RAP1GDS1: variants seen among roughly 807,000 people sequenced by gnomAD.
RAP1GDS1 encodes the protein RAP1, GTP-GDP dissociation stimulator 1.
RAP1GDS1 carries 35 observed loss-of-function variants against 71.1 expected under a neutral mutation model. That is an observed-to-expected ratio of 0.49 (90% CI 0.38 to 0.65). The LOEUF (loss-of-function observed/expected upper bound fraction) is 0.65, where lower values mean the gene tolerates loss of function less well. RAP1GDS1 is among the 30% of genes least tolerant of loss of function. RAP1GDS1 has a pLI of 0.00. For missense variants in RAP1GDS1, 663 were observed against 706.1 expected, an observed-to-expected ratio of 0.94 and a Z score of 0.69; for synonymous variants, 229 against 243.1, an observed-to-expected ratio of 0.94 and a Z score of 0.54.
intron 1 of RAP1GDS1, among the ~76,000 whole-genome samples, chr4:98,270,274 C>T (rs1395049996): frequency 6.6e-6 from 1 of 152,160 alleles, no homozygotes; most frequent in Admixed American, 6.5e-5. Flanking sequence ...GGGACAAAAA[C>T]ATTCAAACCA....
chr4:98,376,597 A>T (rs1741218406), intron 4 of RAP1GDS1, among the ~76,000 whole-genome samples: 1 of 152,024 alleles, frequency 6.6e-6, no homozygotes, highest in African/African-American at 2.4e-5. Context: ...AATATTTTTA[A>T]AAAAATGCTT....
At chr4:98,387,393 C>G (rs767337507) in intron 5 of RAP1GDS1, 1 of 455,358 alleles carries the variant, frequency 2.2e-6, no homozygotes, top group Non-Finnish European at 4.4e-6. Flanking sequence ...AAACTTAAAA[C>G]TCAGGGGGGA....
chr4:98,298,699 G>A (rs1208671873), intron 2 of RAP1GDS1, among the ~76,000 whole-genome samples: 1 of 152,108 alleles, frequency 6.6e-6, no homozygotes, highest in Non-Finnish European at 1.5e-5. Context: ...CGTACATGGA[G>A]ATAAATGTTA....
intron 2 of RAP1GDS1, among the ~76,000 whole-genome samples, chr4:98,337,035 C>T (rs550937227): frequency 6.6e-6 from 1 of 152,126 alleles, no homozygotes; most frequent in African/African-American, 2.4e-5. Context: ...GCTGGGATTA[C>T]AGGCATCCAC....
In RAP1GDS1 at chr4:98,296,705, G is replaced by A. The variant is rs1193295113; in HGVS notation, c.112+3190G>A. 5.3e-5 allele frequency among the ~76,000 whole-genome samples: 8 copies of A among 152,020 alleles called. No individual in the cohort carries two copies. In the East Asian group the frequency reaches 1.5e-3, roughly 29 times the overall value. On this transcript the variant is annotated intron_variant, in intron 2 of 14. Coordinates refer to ENST00000408927, the MANE Select transcript of RAP1GDS1 (RefSeq NM_001100427.2). ...CTCAGTAAATGCTTATTTGATTGTAGTATGGTTACTCTATTTTATGGTTAT... is the reference window on the plus strand; with the variant it reads ...CTCAGTAAATGCTTATTTGATTGTAATATGGTTACTCTATTTTATGGTTAT...
At chr4:98,265,664 C>T (rs1722625732) in intron 1 of RAP1GDS1, among the ~76,000 whole-genome samples, 1 of 152,076 alleles carries the variant, frequency 6.6e-6, no homozygotes, top group Non-Finnish European at 1.5e-5. Flanking sequence ...TGGTAAGAAT[C>T]TTGAGGAATG....
intron 2 of RAP1GDS1, among the ~76,000 whole-genome samples, chr4:98,321,647 G>C (rs1424473339): frequency 2.7e-5 from 4 of 148,308 alleles, no homozygotes; most frequent in Non-Finnish European, 4.5e-5. Context: ...TTTCAACCCA[G>C]AATTTCATAT....
At chr4:98,338,173 TG>T (rs1734969220) in intron 2 of RAP1GDS1, among the ~76,000 whole-genome samples, 1 of 152,114 alleles carries the variant, frequency 6.6e-6, no homozygotes, top group African/African-American at 2.4e-5. Flanking sequence ...TGATTAAATG[TG>T]GGGGTAGGAA....
chr4:98,272,681 A>G (rs1723644656), intron 1 of RAP1GDS1, among the ~76,000 whole-genome samples: 1 of 152,120 alleles, frequency 6.6e-6, no homozygotes, highest in Non-Finnish European at 1.5e-5. Context: ...GCAGCAGACC[A>G]CCAGACAGTG....
chr4:98,307,836 G>A (rs1022814964), intron 2 of RAP1GDS1, among the ~76,000 whole-genome samples: 4 of 152,166 alleles, frequency 2.6e-5, no homozygotes, highest in Admixed American at 6.5e-5. Context: ...TATAACTAAA[G>A]CCGACTTACT....
chr4:98,278,569 T>C (rs113200959), intron 1 of RAP1GDS1, among the ~76,000 whole-genome samples: 2,952 of 152,340 alleles, frequency 0.019, 104 homozygotes, highest in African/African-American at 0.067. Context: ...CAGAATGATA[T>C]AAGAAATCAT....
intron 14 of RAP1GDS1, among the ~76,000 whole-genome samples, chr4:98,439,720 G>C (rs1751646734): frequency 6.6e-6 from 1 of 152,016 alleles, no homozygotes; most frequent in Admixed American, 6.6e-5. Flanking sequence ...TTTTATTTCA[G>C]TTATATATTT....
At chr4:98,264,538 T>C (rs2110218175) in intron 1 of RAP1GDS1, among the ~76,000 whole-genome samples, 1 of 152,360 alleles carries the variant, frequency 6.6e-6, no homozygotes, top group South Asian at 2.1e-4. Context: ...TAGTGTTTGT[T>C]GGATATCAAC....
intron 2 of RAP1GDS1, among the ~76,000 whole-genome samples, chr4:98,298,071 C>G (rs923659311): frequency 1.9e-4 from 29 of 152,200 alleles, no homozygotes; most frequent in African/African-American, 7.0e-4. Context: ...TTCCCATGTC[C>G]TAATCCAGAG....
Position 98,420,033 on chromosome 4 carries a change from A to G in RAP1GDS1, c.1189A>G (p.Lys397Glu), listed in dbSNP as rs750023392. Residue 397 changes from lysine (K) to glutamate (E), a missense_variant, in exon 11 of 15, where the codon AAG becomes GAG. Coordinates refer to ENST00000408927, the MANE Select transcript of RAP1GDS1 (RefSeq NM_001100427.2). ...TTTTTCTCCAGTTATAAATAAAGCA[A>G]AGATGTTATCAGCTGGGGTCACAGA... ...NLAIPVINKAKMLSAGVTEAV... is the reference protein window; with the variant it reads ...NLAIPVINKAEMLSAGVTEAV... The G allele has an allele frequency of 1.3e-6, 2 of 1,599,510 alleles. No homozygotes were observed. The highest frequency in any genetic ancestry group is 2.3e-5 in the South Asian group (2 of 88,104).
chr4:98,329,167 A>G (rs1015577508), intron 2 of RAP1GDS1, among the ~76,000 whole-genome samples: 1 of 152,236 alleles, frequency 6.6e-6, no homozygotes, highest in Non-Finnish European at 1.5e-5. Context: ...CCATATTGCC[A>G]TAAGAATACT....
chr4:98,375,424 G>T (rs1741028985), intron 4 of RAP1GDS1, among the ~76,000 whole-genome samples: 1 of 152,230 alleles, frequency 6.6e-6, no homozygotes, highest in Admixed American at 6.5e-5. Context: ...CTTAAACATA[G>T]ATTGAAGGAG....
intron 12 of RAP1GDS1, among the ~76,000 whole-genome samples, chr4:98,425,068 T>C (rs915050676): frequency 3.9e-5 from 6 of 152,144 alleles, no homozygotes; most frequent in Admixed American, 3.9e-4. Context: ...CTAGAAAGGA[T>C]TGGGGCCCTA....
At chr4:98,375,683 ATG>A (rs137924845) in intron 4 of RAP1GDS1, among the ~76,000 whole-genome samples, 1 of 152,146 alleles carries the variant, frequency 6.6e-6, no homozygotes, top group Non-Finnish European at 1.5e-5. Flanking sequence ...AGTCCAACGT[ATG>A]TGTGTGTGTC....
Sources: gnomAD v4.1 joint callset for allele counts (sites outside exome capture counted in the v4.1 genomes callset) on GRCh38, gnomAD v4.1.1 for gene constraint, MANE v1.5 for transcripts, NCBI Gene and HGNC (gene_info 2026-07-23, HGNC 2026-07-21) for gene names.